The following RUNX1T1 variants were observed in gnomAD, a reference collection of about 807,000 sequenced individuals.
The protein encoded by RUNX1T1 is protein CBFA2T1.
RUNX1T1 carries 4 observed loss-of-function variants against 62.8 expected under a neutral mutation model. The ratio of observed to expected loss-of-function variants is 0.06; its 90% CI spans 0.03 to 0.15. The LOEUF (loss-of-function observed/expected upper bound fraction) is 0.15, where lower values mean the gene tolerates loss of function less well. RUNX1T1 is among the 10% of genes least tolerant of loss of function. RUNX1T1 has a pLI of 1.00. For missense variants in RUNX1T1, 508 were observed against 754.3 expected, an observed-to-expected ratio of 0.67 and a Z score of 3.82; for synonymous variants, 291 against 286.0, an observed-to-expected ratio of 1.02 and a Z score of -0.18.
chr8:92,033,139 A>C (rs1478177603), intron 1 of RUNX1T1, among the ~76,000 whole-genome samples: 1 of 152,226 alleles, frequency 6.6e-6, no homozygotes, highest in Non-Finnish European at 1.5e-5. Context: ...AAATTATTCC[A>C]CATAAATAAT....
chr8:92,098,316 T>C (rs1837881660), intron 1 of RUNX1T1, among the ~76,000 whole-genome samples: 1 of 152,236 alleles, frequency 6.6e-6, no homozygotes, highest in African/African-American at 2.4e-5. Context: ...TCTTCACTCA[T>C]TTTGCTTTAA....
chr8:91,983,299 C>A (rs1815828529), intron 8 of RUNX1T1, among the ~76,000 whole-genome samples: 1 of 152,046 alleles, frequency 6.6e-6, no homozygotes, highest in Non-Finnish European at 1.5e-5. Flanking sequence ...CCTATACTCA[C>A]TCAATACTAC....
At chr8:91,986,007 AT>A in intron 8 of RUNX1T1, 116 bp downstream of exon 9, 3 of 786,932 alleles carry the variant, frequency 3.8e-6, no homozygotes, top group Non-Finnish European at 4.4e-6. Context: ...GGATATGTAA[AT>A]TGTTTATTGT....
Position 92,014,621 on chromosome 8 carries a change from G to A in RUNX1T1, c.345C>T (p.Pro115=), listed in dbSNP as rs139026255. The change falls in exon 3 of 11, where the codon CCC becomes CCT. Residue 115 remains proline, a synonymous_variant. Coordinates refer to ENST00000396218, the Ensembl canonical transcript of RUNX1T1. The stretch of plus-strand genomic sequence containing the variant: ...GGGTGCGAACTCTTTCTCCTATCTC[G>A]GGTGAAATGTCATTGCCAAACTGCT... The A allele has an allele frequency of 1.8e-4, 292 of 1,612,886 alleles. 1 individual carries two copies. In the Middle Eastern group the frequency reaches 2.1e-3, roughly 12 times the overall value.
chr8:92,078,108 C>A (rs956335846), intron 1 of RUNX1T1, among the ~76,000 whole-genome samples: 6 of 150,870 alleles, frequency 4.0e-5, no homozygotes, highest in Admixed American at 6.6e-5. Flanking sequence ...CAGTTTCAAA[C>A]AATATACAAT....
intron 6 of RUNX1T1, among the ~76,000 whole-genome samples, chr8:91,987,434 T>C (rs1816804536): frequency 6.6e-6 from 1 of 152,176 alleles, no homozygotes. Context: ...TTTCTACATG[T>C]CAGCCTTGTG....
chr8:92,064,950 T>A (rs1832655826), upstream of RUNX1T1, among the ~76,000 whole-genome samples: 1 of 152,142 alleles, frequency 6.6e-6, no homozygotes, highest in Non-Finnish European at 1.5e-5. Context: ...AAAACCTGGA[T>A]CCCTGGAGAT....
At chr8:92,020,460 G>A (rs896308235) in intron 1 of RUNX1T1, among the ~76,000 whole-genome samples, 1 of 151,898 alleles carries the variant, frequency 6.6e-6, no homozygotes, top group Non-Finnish European at 1.5e-5. Context: ...ATAGTGTCCT[G>A]GTATGTAATT....
chr8:91,975,768 GT>G (rs538757483), intron 9 of RUNX1T1, 136 bp downstream of exon 10: 18 of 627,574 alleles, frequency 2.9e-5, no homozygotes, highest in Admixed American at 1.0e-4. Context: ...TTGTTTAGTG[GT>G]TTTTTTTGTT....
Position 92,017,534 on chromosome 8 carries a change from T to G in RUNX1T1, c.8-171A>C. ...CAGGATTTTATCATCCAAACCCCAC[T>G]TAAGAAGGTATAGCACAGATGGCAG... On this transcript the variant is annotated intron_variant, in intron 1 of 10. Coordinates refer to ENST00000396218, the Ensembl canonical transcript of RUNX1T1. 11 of 1,506,356 alleles carry G rather than the reference T, an allele frequency of 7.3e-6. No homozygotes were observed. The East Asian group carries it at 7.4e-5, about 10-fold the overall frequency. 93.3% of individuals were successfully genotyped at this position (1,506,356 alleles called of 1,614,324 possible).
In RUNX1T1 at chr8:91,971,003, C is replaced by T. The variant is rs1053006169; in HGVS notation, c.1268-155G>A. On this transcript the variant is annotated intron_variant, in intron 9 of 10. Transcript: ENST00000396218. ...TATCCTCTGCATCAATTTCCCCTAG[C>T]AGCTGGAATTACAGGAGCCTTCCAG... The T allele has an allele frequency of 9.6e-6, 5 of 522,722 alleles. No individual in the cohort carries two copies. The Admixed American group carries it at 1.5e-4, about 16-fold the overall frequency. 32.4% of individuals were successfully genotyped at this position (522,722 alleles called of 1,614,324 possible). A position where few individuals can be genotyped will look rare whatever the true frequency, so the allele number is the denominator to read the frequency against.
At chr8:92,098,560 C>T (rs1347276569) in intron 1 of RUNX1T1, among the ~76,000 whole-genome samples, 1 of 152,134 alleles carries the variant, frequency 6.6e-6, no homozygotes, top group African/African-American at 2.4e-5. Context: ...GGCTAACATC[C>T]ATGTCTAAGT....
chr8:91,984,860 T>C (rs571591352), intron 8 of RUNX1T1, among the ~76,000 whole-genome samples: 21 of 152,316 alleles, frequency 1.4e-4, no homozygotes, highest in Non-Finnish European at 2.9e-4. Context: ...ACCTGACAAA[T>C]ACAATTTTGT....
At chr8:91,976,454 CTT>C (rs1460297213) in intron 8 of RUNX1T1, among the ~76,000 whole-genome samples, 1,628 of 152,286 alleles carry the variant, frequency 0.011, 21 homozygotes, top group African/African-American at 0.037. Context: ...AGTTCTCATA[CTT>C]AATTCTTAAA....
chr8:92,101,756 T>C (rs1838046832), upstream of RUNX1T1, among the ~76,000 whole-genome samples: 2 of 151,996 alleles, frequency 1.3e-5, no homozygotes, highest in Non-Finnish European at 2.9e-5. Context: ...AAATAAAAAA[T>C]AGCACGTTTC....
intron 2 of RUNX1T1, among the ~76,000 whole-genome samples, chr8:92,069,803 A>G (rs1833411796): frequency 6.6e-6 from 1 of 152,198 alleles, no homozygotes; most frequent in African/African-American, 2.4e-5. Flanking sequence ...CCCTTACTCT[A>G]TATGGAAATT....
intron 1 of RUNX1T1, among the ~76,000 whole-genome samples, chr8:92,051,520 G>C (rs540088447): frequency 2.8e-4 from 42 of 152,036 alleles, no homozygotes; most frequent in African/African-American, 1.0e-3. Flanking sequence ...TTAATGGAGA[G>C]AATACATACA....
intron 3 of RUNX1T1, among the ~76,000 whole-genome samples, chr8:92,011,941 T>C (rs1822022289): frequency 6.6e-6 from 1 of 152,218 alleles, no homozygotes; most frequent in Admixed American, 6.5e-5. Context: ...TCGTTTTCTT[T>C]AGTTTCTCAG....
At chr8:92,101,168 G>GA (rs375511831), upstream of RUNX1T1, among the ~76,000 whole-genome samples, 479 of 152,170 alleles carry the variant, frequency 3.1e-3, 5 homozygotes, top group African/African-American at 0.011. Flanking sequence ...CTAGGAGAGG[G>GA]AAAAAAATCC....
Sources: gnomAD v4.1 joint callset for allele counts (sites outside exome capture counted in the v4.1 genomes callset) on GRCh38, gnomAD v4.1.1 for gene constraint, MANE v1.5 for transcripts, NCBI Gene and HGNC (gene_info 2026-07-23, HGNC 2026-07-21) for gene names.